Variants in CRTC3 observed in about 807,000 individuals in gnomAD.
CRTC3 encodes CREB regulated transcription coactivator 3.
In CRTC3, 26 loss-of-function variants were observed where a neutral mutation model predicts 74.5. The observed-to-expected ratio is 0.35, with a 90% CI of 0.26 to 0.48. The LOEUF is 0.48. CRTC3 is among the 20% of genes least tolerant of loss of function. CRTC3 has a pLI of 0.99. For missense variants in CRTC3, 760 were observed against 787.3 expected, an observed-to-expected ratio of 0.97 and a Z score of 0.41; for synonymous variants, 377 against 325.8, an observed-to-expected ratio of 1.16 and a Z score of -1.69.
At chr15:90,639,450 T>C (rs919310062) in intron 13 of CRTC3, among the ~76,000 whole-genome samples, 5 of 129,906 alleles carry the variant, frequency 3.8e-5, no homozygotes, top group Non-Finnish European at 7.5e-5. Flanking sequence ...TCCAGAACTT[T>C]TTTTTTTTTT....
intron 11 of CRTC3, among the ~76,000 whole-genome samples, chr15:90,631,726 CA>C (rs71463748): frequency 0.012 from 1,271 of 109,988 alleles, 14 homozygotes; most frequent in African/African-American, 0.034. Context: ...TACTCTGTCT[CA>C]AAAAAAAAAA....
In CRTC3 at chr15:90,642,202, T is replaced by C; in HGVS notation, c.*62T>C. The C allele has an allele frequency of 7.1e-7, 1 of 1,408,130 alleles. No individual in the cohort carries two copies. The highest frequency in any genetic ancestry group is 1.0e-6 in the Non-Finnish European group (1 of 1,000,398). 87.2% of individuals were successfully genotyped at this position (1,408,130 alleles called of 1,614,324 possible). ...ACAGCCAAAATAGAATGGAATAGAA[T>C]GAAGCCAGCTGATACCACGGGCTTT... On this transcript the variant is annotated 3_prime_UTR_variant, in exon 15 of 15. Coordinates refer to ENST00000268184, the MANE Select transcript of CRTC3 (RefSeq NM_022769.5).
chr15:90,588,760 A>G (rs1485067772), intron 2 of CRTC3, among the ~76,000 whole-genome samples: 2 of 152,112 alleles, frequency 1.3e-5, no homozygotes, highest in African/African-American at 4.8e-5. Context: ...GCTGCTCCTG[A>G]CCACGAAAGG....
At position 90,642,060 on chromosome 15, in the gene CRTC3, G is replaced by A. The variant is rs753851768; in HGVS notation, c.1780G>A (p.Gly594Arg). 2.2e-5 allele frequency: 36 copies of A among 1,613,836 alleles called. No homozygotes were observed. Among genetic ancestry groups the A allele is most frequent in the Admixed American group, 1.2e-4 (7 of 60,004 alleles). ...ELQIEPLSLDGLNMLSDSSMG... is the reference protein window; with the variant it reads ...ELQIEPLSLDRLNMLSDSSMG... The stretch of plus-strand genomic sequence containing the variant: ...GCAGATTGAACCCCTGAGCCTGGAC[G>A]GACTCAACATGTTAAGTGACTCCAG... Residue 594 changes from glycine (G) to arginine (R), a missense_variant, in exon 15 of 15, where the codon GGA becomes AGA. By Grantham distance (125) the Gly-to-Arg change is moderately radical. Around this residue, in one of 2 missense-constraint regions of CRTC3, gnomAD observed 652 missense variants for 635.2 expected, o/e 1.03. Transcript: ENST00000268184.
intron 1 of CRTC3, among the ~76,000 whole-genome samples, chr15:90,532,415 G>A (rs1246644792): frequency 6.6e-6 from 1 of 152,182 alleles, no homozygotes; most frequent in African/African-American, 2.4e-5. Context: ...TGGTAACTGG[G>A]TGGCAGATAT....
At chr15:90,564,904 A>ACCTACCTT (rs1189796804) in intron 2 of CRTC3, among the ~76,000 whole-genome samples, 2 of 146,364 alleles carry the variant, frequency 1.4e-5, no homozygotes, top group African/African-American at 2.6e-5. Flanking sequence ...AATTTAACCA[A>ACCTACCTT]CCTTCCTTCC....
intron 7 of CRTC3, among the ~76,000 whole-genome samples, chr15:90,614,848 G>T (rs951311992): frequency 1.3e-5 from 2 of 152,256 alleles, no homozygotes; most frequent in East Asian, 3.9e-4. Context: ...TGGATCACTT[G>T]AAGTCAGGAG....
chr15:90,594,096 A>T (rs1172555450), intron 3 of CRTC3: 3 of 178,596 alleles, frequency 1.7e-5, no homozygotes, highest in Non-Finnish European at 3.5e-5. Flanking sequence ...AGAGAGCCTT[A>T]GTCTCTTTAG....
intron 9 of CRTC3, among the ~76,000 whole-genome samples, chr15:90,620,509 G>C: frequency 6.6e-6 from 1 of 152,150 alleles, no homozygotes; most frequent in East Asian, 1.9e-4. Flanking sequence ...ACGAGGAGAT[G>C]AGAGAGATAA....
chr15:90,611,600 C>T (rs910387586), intron 6 of CRTC3, among the ~76,000 whole-genome samples: 2 of 152,096 alleles, frequency 1.3e-5, no homozygotes, highest in Non-Finnish European at 2.9e-5. Flanking sequence ...TTCTGGTCAC[C>T]GCAGCCCAGA....
At chr15:90,631,633 C>T (rs1013036931) in intron 11 of CRTC3, among the ~76,000 whole-genome samples, 5 of 150,694 alleles carry the variant, frequency 3.3e-5, no homozygotes, top group Non-Finnish European at 5.9e-5. Flanking sequence ...GATGCTGCGA[C>T]GTGAGAATTG....
At chr15:90,605,089 T>C (rs1968180340) in intron 5 of CRTC3, among the ~76,000 whole-genome samples, 1 of 151,430 alleles carries the variant, frequency 6.6e-6, no homozygotes, top group Non-Finnish European at 1.5e-5. Context: ...GGTGAGACCC[T>C]GTCTCTATGA....
intron 9 of CRTC3, among the ~76,000 whole-genome samples, chr15:90,622,882 A>G (rs13380037): frequency 0.023 from 3,431 of 152,196 alleles, 150 homozygotes; most frequent in African/African-American, 0.078. Flanking sequence ...AAAAGACAAA[A>G]TTTATATTCA....
chr15:90,627,834 T>C, intron 10 of CRTC3, among the ~76,000 whole-genome samples: 1 of 114,986 alleles, frequency 8.7e-6, no homozygotes, highest in Non-Finnish European at 1.9e-5. Context: ...CAGGATGGTC[T>C]TGATCTCCTG....
At chr15:90,609,084 G>C (rs1281202800) in intron 6 of CRTC3, among the ~76,000 whole-genome samples, 1 of 152,132 alleles carries the variant, frequency 6.6e-6, no homozygotes, top group Non-Finnish European at 1.5e-5. Context: ...ACTTATGATC[G>C]TATTTCTTTG....
chr15:90,624,837 A>G (rs1296653296), intron 9 of CRTC3: 1 of 152,750 alleles, frequency 6.5e-6, no homozygotes, highest in Non-Finnish European at 1.5e-5. Flanking sequence ...CCACCAGTGT[A>G]TACGCACTAG....
chr15:90,578,213 G>A (rs909067070), intron 2 of CRTC3, among the ~76,000 whole-genome samples: 17 of 152,052 alleles, frequency 1.1e-4, no homozygotes, highest in Admixed American at 1.1e-3. Context: ...CACCGCACCT[G>A]GCCAAATGTA....
At chr15:90,632,465 T>C (rs1969074245) in intron 11 of CRTC3, among the ~76,000 whole-genome samples, 1 of 152,166 alleles carries the variant, frequency 6.6e-6, no homozygotes, top group African/African-American at 2.4e-5. Context: ...AAGTGAATGT[T>C]ATTCATGCAC....
intron 3 of CRTC3, among the ~76,000 whole-genome samples, chr15:90,600,848 C>T (rs1968050607): frequency 6.6e-6 from 1 of 152,136 alleles, no homozygotes; most frequent in Middle Eastern, 3.2e-3. Flanking sequence ...AATCAGTGAT[C>T]CAGGAGACAA....
Sources: allele counts gnomAD v4.1 joint callset (sites outside exome capture counted in the v4.1 genomes callset), GRCh38; gene constraint gnomAD v4.1.1; regional missense constraint gnomAD v4.1.1; transcripts MANE v1.5; gene names NCBI Gene and HGNC (gene_info 2026-07-23, HGNC 2026-07-21).